Variants in PRELID2 observed in about 807,000 individuals in gnomAD.
The protein encoded by PRELID2 is PRELI domain-containing protein 2.
Under a neutral mutation model 28.4 loss-of-function variants are expected in PRELID2, and 25 were observed. The ratio of observed to expected loss-of-function variants is 0.88; its 90% CI spans 0.64 to 1.23. The LOEUF is 1.23. Ranked by LOEUF, PRELID2 falls within the 50% of genes most tolerant of loss-of-function variation. The pLI, the probability that PRELID2 is intolerant of heterozygous loss-of-function variation, is 0.00. For missense variants in PRELID2, 201 were observed against 214.4 expected, an observed-to-expected ratio of 0.94 and a Z score of 0.39; for synonymous variants, 76 against 71.6, an observed-to-expected ratio of 1.06 and a Z score of -0.31.
chr5:145,405,281 C>T, the PRELID2 span, among the ~76,000 whole-genome samples: 1 of 152,096 alleles, frequency 6.6e-6, no homozygotes, highest in African/African-American at 2.4e-5. Flanking sequence ...GACTTAACAG[C>T]ACTGTTTTTT....
intron 1 of PRELID2, among the ~76,000 whole-genome samples, chr5:145,593,723 A>T (rs535587305): frequency 6.6e-6 from 1 of 152,310 alleles, no homozygotes; most frequent in Non-Finnish European, 1.5e-5. Flanking sequence ...AGCAGAATTC[A>T]AAATATGAAA....
At chr5:145,361,158 G>C in the PRELID2 span, among the ~76,000 whole-genome samples, 4 of 152,090 alleles carry the variant, frequency 2.6e-5, no homozygotes, top group African/African-American at 9.7e-5. Context: ...CATAGTATTT[G>C]ATACTGCCAT....
chr5:145,564,082 A>G (rs1752945863), intron 1 of PRELID2, among the ~76,000 whole-genome samples: 1 of 152,230 alleles, frequency 6.6e-6, no homozygotes, highest in South Asian at 2.1e-4. Flanking sequence ...CATTGATTTT[A>G]CTTTTTGAAA....
intron 1 of PRELID2, among the ~76,000 whole-genome samples, chr5:145,828,823 G>GA (rs1222984314): frequency 1.5e-5 from 2 of 136,432 alleles, no homozygotes; most frequent in East Asian, 2.3e-4. Flanking sequence ...CTTAGATAGT[G>GA]AAAAAAATCT....
chr5:145,394,851 G>T, the PRELID2 span, among the ~76,000 whole-genome samples: 2,412 of 152,108 alleles, frequency 0.016, 56 homozygotes, highest in African/African-American at 0.052. Context: ...ATTTGGGAAA[G>T]GTATCTAACT....
chr5:145,397,992 A>G, the PRELID2 span, among the ~76,000 whole-genome samples: 11 of 152,224 alleles, frequency 7.2e-5, no homozygotes, highest in African/African-American at 2.4e-4. Flanking sequence ...TAATGGGTCA[A>G]TTACTTCTCA....
At chr5:145,508,567 A>C (rs998079730) in intron 1 of PRELID2, among the ~76,000 whole-genome samples, 3 of 151,892 alleles carry the variant, frequency 2.0e-5, no homozygotes, top group South Asian at 2.1e-4. Context: ...TTAAATATTT[A>C]ATTAATAAAA....
intron 1 of PRELID2, chr5:145,704,114 C>T (rs1276448736): frequency 6.6e-6 from 1 of 152,130 alleles, no homozygotes; most frequent in African/African-American, 2.4e-5. Flanking sequence ...GATTTAGTTG[C>T]TGGCATTACA....
intron 6 of PRELID2, among the ~76,000 whole-genome samples, chr5:145,764,018 G>T (rs1474147782): frequency 2.0e-5 from 3 of 151,540 alleles, no homozygotes; most frequent in Non-Finnish European, 4.4e-5. Flanking sequence ...GGAGGTTGCA[G>T]AGAGGTGGAG....
At chr5:145,469,504 A>G (rs1752032678), downstream of PRELID2, among the ~76,000 whole-genome samples, 1 of 152,058 alleles carries the variant, frequency 6.6e-6, no homozygotes, top group Non-Finnish European at 1.5e-5. Context: ...TCCCTTACTC[A>G]GAGTTCATAA....
chr5:145,676,429 C>A (rs1459324619), intron 1 of PRELID2, among the ~76,000 whole-genome samples: 3 of 151,936 alleles, frequency 2.0e-5, no homozygotes, highest in African/African-American at 7.3e-5. Flanking sequence ...ATCCTAGCCA[C>A]TCGGGAGGCT....
downstream of PRELID2, among the ~76,000 whole-genome samples, chr5:145,468,481 G>A (rs112230356): frequency 0.01 from 1,546 of 152,222 alleles, 28 homozygotes; most frequent in African/African-American, 0.035. Context: ...AGATCCTTGA[G>A]GAATCGCCAC....
chr5:145,267,437 T>C, the PRELID2 span, among the ~76,000 whole-genome samples: 1 of 152,178 alleles, frequency 6.6e-6, no homozygotes, highest in Non-Finnish European at 1.5e-5. Context: ...CTTATTTCAC[T>C]TAACACAATG....
the PRELID2 span, among the ~76,000 whole-genome samples, chr5:145,337,686 A>AATATATATATATATATAT: frequency 6.3e-5 from 5 of 79,870 alleles, no homozygotes; most frequent in Admixed American, 1.5e-4. Flanking sequence ...GCATAGGGCA[A>AATATATATATATATATAT]ATATATATAT....
At chr5:145,388,155 T>G in the PRELID2 span, among the ~76,000 whole-genome samples, 2 of 152,132 alleles carry the variant, frequency 1.3e-5, no homozygotes, top group Non-Finnish European at 2.9e-5. Flanking sequence ...AGTAGGGAAT[T>G]GAGTGTTTGA....
chr5:145,588,093 T>C (rs1447306131), intron 1 of PRELID2, among the ~76,000 whole-genome samples: 1 of 152,196 alleles, frequency 6.6e-6, no homozygotes, highest in Admixed American at 6.6e-5. Context: ...TGATGTTTAA[T>C]ACTGTTTCAT....
chr5:145,799,905 TCCCCATTTTCA>T (rs1753015768), intron 4 of PRELID2, among the ~76,000 whole-genome samples: 1 of 152,170 alleles, frequency 6.6e-6, no homozygotes, highest in Admixed American at 6.5e-5. Context: ...AATCTCCTAT[TCCCCATTTTCA>T]CCATAGTGCT....
intron 4 of PRELID2, among the ~76,000 whole-genome samples, chr5:145,800,965 AGATG>A (rs905697642): frequency 5.9e-5 from 9 of 152,138 alleles, no homozygotes; most frequent in South Asian, 2.1e-4. Flanking sequence ...AAAAAAGACA[AGATG>A]GATGGATGGA....
chr5:145,814,054 C>T (rs1008406930), intron 4 of PRELID2, among the ~76,000 whole-genome samples: 3 of 152,086 alleles, frequency 2.0e-5, no homozygotes, highest in African/African-American at 7.2e-5. Flanking sequence ...ATTAATTTTC[C>T]TTTTTTTCTC....
Sources: gnomAD v4.1 joint callset for allele counts (sites outside exome capture counted in the v4.1 genomes callset) on GRCh38, gnomAD v4.1.1 for gene constraint, MANE v1.5 for transcripts, NCBI Gene and HGNC (gene_info 2026-07-23, HGNC 2026-07-21) for gene names.